The following LLGL2 variants were observed in gnomAD, a reference collection of about 807,000 sequenced individuals.
The protein encoded by LLGL2 is LLGL scribble cell polarity complex component 2.
Under a neutral mutation model 123.2 loss-of-function variants are expected in LLGL2, and 81 were observed. That is an observed-to-expected ratio of 0.66 (90% CI 0.55 to 0.79). The LOEUF (loss-of-function observed/expected upper bound fraction) is 0.79, where lower values mean the gene tolerates loss of function less well. LLGL2 is among the 30% of genes least tolerant of loss of function. The pLI is 0.00. For synonymous variants in LLGL2, 577 were observed against 594.1 expected, an observed-to-expected ratio of 0.97 and a Z score of 0.42; for missense variants, 1,273 against 1,414.6, an observed-to-expected ratio of 0.90 and a Z score of 1.61.
At position 75,574,874 on chromosome 17, in the gene LLGL2, A is replaced by G; in HGVS notation, c.3059A>G (p.Glu1020Gly). 6.2e-7 allele frequency: 1 copy of G among 1,613,978 alleles called. No homozygotes were observed. The highest frequency in any genetic ancestry group is 8.5e-7 in the Non-Finnish European group (1 of 1,179,944). ...GCTGTCCCTCTGTGTCCTTCAGCAGAGTGAGTGGCTGAGCGTCCAGGCTGC... is the reference window on the plus strand; with the variant it reads ...GCTGTCCCTCTGTGTCCTTCAGCAGGGTGAGTGGCTGAGCGTCCAGGCTGC... ...VGCSLSNGGAE is the reference protein window; with the variant it reads ...VGCSLSNGGAG The change falls in exon 26 of 26, where the codon GAG (glutamate) becomes GGG (glycine). Residue 1020 changes from glutamate to glycine, a missense_variant. Transcript: ENST00000392550.
intron 6 of LLGL2, among the ~76,000 whole-genome samples, chr17:75,560,269 G>A (rs2055141374): frequency 6.6e-6 from 1 of 152,204 alleles, no homozygotes; most frequent in South Asian, 2.1e-4. Flanking sequence ...TAGGGCTGGG[G>A]CAGTGTGTCC....
At position 75,563,868 on chromosome 17, in the gene LLGL2, C is replaced by T; in HGVS notation, c.881+62C>T. ...CCTTCCTGGAGGGCTAGAAAGGTCA[C>T]TTAGGCCTCTGCCTGGGAAGTTGGT... On this transcript the variant is annotated intron_variant, in intron 9 of 25. Coordinates refer to ENST00000392550, the MANE Select transcript of LLGL2 (RefSeq NM_001031803.2). 3.3e-6 allele frequency: 5 copies of T among 1,531,278 alleles called. No individual in the cohort carries two copies. In the South Asian group the frequency reaches 4.5e-5, roughly 14 times the overall value. 94.9% of individuals were successfully genotyped at this position (1,531,278 alleles called of 1,614,324 possible).
intron 2 of LLGL2, among the ~76,000 whole-genome samples, chr17:75,554,555 G>C (rs1436802478): frequency 1.3e-5 from 2 of 151,818 alleles, no homozygotes; most frequent in Non-Finnish European, 2.9e-5. Flanking sequence ...GGGAGGCCAA[G>C]GCTACAGTGA....
chr17:75,570,882 C>A, intron 16 of LLGL2, 68 bp from the exon 17 acceptor site: 1 of 1,523,026 alleles, frequency 6.6e-7, no homozygotes, highest in Non-Finnish European at 8.8e-7. Context: ...AGGATCAGCA[C>A]TGAGCGAAGC....
At chr17:75,539,623 T>A (rs896778629) in intron 1 of LLGL2, among the ~76,000 whole-genome samples, 6 of 151,768 alleles carry the variant, frequency 4.0e-5, no homozygotes, top group South Asian at 2.1e-4. Context: ...TTTTTTTTTT[T>A]TTTATACAGA....
Position 75,569,317 on chromosome 17 carries a change from G to A in LLGL2, c.1573G>A (p.Ala525Thr). ...CGGCTACCTGGCTGTGGCAGGCACG[G>A]CAGGGCAGGTAGCAGGCTGGGCTGG... ...YSGYLAVAGT[A>T]GQVLVLELND... Residue 525 changes from alanine to threonine, a missense_variant, in exon 14 of 26, where the codon GCA becomes ACA. Physicochemically the swap from Ala to Thr is moderately conservative, Grantham distance 58 (BLOSUM62 0). Coordinates refer to ENST00000392550, the MANE Select transcript of LLGL2 (RefSeq NM_001031803.2). 1.2e-6 allele frequency: 2 copies of A among 1,612,624 alleles called. No individual in the cohort carries two copies. Among genetic ancestry groups the A allele is most frequent in the Non-Finnish European group, 8.5e-7 (1 of 1,179,498 alleles).
intron 1 of LLGL2, among the ~76,000 whole-genome samples, chr17:75,540,068 C>T (rs1598526322): frequency 6.6e-6 from 1 of 152,128 alleles, no homozygotes; most frequent in Non-Finnish European, 1.5e-5. Context: ...TACAGAGGAG[C>T]TGTCTCTGGA....
chr17:75,557,374 G>A (rs983629942), intron 3 of LLGL2, among the ~76,000 whole-genome samples: 2 of 152,188 alleles, frequency 1.3e-5, no homozygotes, highest in African/African-American at 4.8e-5. Context: ...GTCCTTCCCC[G>A]GCCTGAGGCT....
At chr17:75,548,966 T>A (rs148356188) in intron 2 of LLGL2, among the ~76,000 whole-genome samples, 1,845 of 152,046 alleles carry the variant, frequency 0.012, 17 homozygotes, top group Non-Finnish European at 0.019. Context: ...TCAGGATGGG[T>A]GTTGCTTCCA....
intron 14 of LLGL2, 119 bp from the exon 15 acceptor site, chr17:75,569,844 A>G: frequency 9.9e-7 from 1 of 1,010,316 alleles, no homozygotes; most frequent in Non-Finnish European, 1.4e-6. Flanking sequence ...GGTTGGACAG[A>G]GGCCTTTGTC....
At position 75,558,285 on chromosome 17, in the gene LLGL2, CT is replaced by C; in HGVS notation, c.255+51del. 1 of 1,536,168 alleles carries C rather than the reference CT, an allele frequency of 6.5e-7. No homozygotes were observed. Among genetic ancestry groups the C allele is most frequent in the Non-Finnish European group, 8.9e-7 (1 of 1,117,484 alleles). On this transcript the variant is annotated intron_variant, in intron 4 of 25. Coordinates refer to ENST00000392550, the MANE Select transcript of LLGL2 (RefSeq NM_001031803.2). This position sits in a 1 kb window ranked among gnomAD's most constrained non-coding sequence, Gnocchi z 4.0. ...GAAGCCACTTCCATGCCCTCCTTGC[CT>C]TCACTGCTTCCAGCAGGGCTGGTGT...
At chr17:75,543,309 A>T in intron 1 of LLGL2, 88 bp from the exon 2 acceptor site, 1 of 866,876 alleles carries the variant, frequency 1.2e-6, no homozygotes, top group Non-Finnish European at 1.8e-6. Context: ...GGACTTGGAG[A>T]GAGAGGCCCT....
At chr17:75,548,119 G>A (rs1391961879) in intron 2 of LLGL2, among the ~76,000 whole-genome samples, 2 of 152,060 alleles carry the variant, frequency 1.3e-5, no homozygotes, top group Admixed American at 6.6e-5. Context: ...ATGCTCGACC[G>A]GTAAGTATAA....
intron 3 of LLGL2, chr17:75,557,916 C>T (rs2054989266): frequency 1.7e-6 from 1 of 574,620 alleles, no homozygotes; most frequent in African/African-American, 1.9e-5. Flanking sequence ...TATGGAGTTG[C>T]TCCCACCGGC....
At chr17:75,572,430 G>T (rs112088801) in intron 19 of LLGL2, among the ~76,000 whole-genome samples, 1 of 151,998 alleles carries the variant, frequency 6.6e-6, no homozygotes, top group South Asian at 2.1e-4. Flanking sequence ...TTGGGAGGCC[G>T]AGGCGGGCAG....
At chr17:75,533,445 C>T (rs530671783) in intron 1 of LLGL2, among the ~76,000 whole-genome samples, 1 of 151,806 alleles carries the variant, frequency 6.6e-6, no homozygotes, top group Admixed American at 6.6e-5. Context: ...GCTGGGACTA[C>T]AGGCGCCCGC....
In LLGL2 at chr17:75,543,458, C is replaced by A; in HGVS notation, c.32C>A (p.Pro11His). 6.2e-7 allele frequency: 1 copy of A among 1,612,224 alleles called. No homozygotes were observed. The change falls in exon 2 of 26, where the codon CCT (proline) becomes CAT (histidine). Residue 11 changes from proline to histidine, a missense_variant. Physicochemically the swap from Pro to His is moderately conservative, Grantham distance 77. Transcript: ENST00000392550. MRRFLRPGHD[P>H]VRERLKRDLF... ...CGGTTCCTGAGGCCAGGGCATGACCCTGTGCGGGAGAGGCTCAAGCGGGAC... is the reference window on the plus strand; with the variant it reads ...CGGTTCCTGAGGCCAGGGCATGACCATGTGCGGGAGAGGCTCAAGCGGGAC...
intron 6 of LLGL2, among the ~76,000 whole-genome samples, chr17:75,561,745 A>G (rs1452788620): frequency 3.3e-5 from 5 of 152,102 alleles, no homozygotes; most frequent in Middle Eastern, 3.4e-3. Flanking sequence ...ACATGGCGAA[A>G]CCCCGTCTCT....
intron 1 of LLGL2, among the ~76,000 whole-genome samples, chr17:75,529,342 A>G (rs889918492): frequency 2.0e-5 from 3 of 151,380 alleles, no homozygotes; most frequent in African/African-American, 7.3e-5. Flanking sequence ...GATTGCAGGC[A>G]GGCACCACCA....
Sources: gnomAD v4.1 joint callset for allele counts (sites outside exome capture counted in the v4.1 genomes callset) on GRCh38, gnomAD v4.1.1 for gene constraint, Gnocchi (gnomAD v3.1) non-coding constraint, MANE v1.5 for transcripts, NCBI Gene and HGNC (gene_info 2026-07-23, HGNC 2026-07-21) for gene names.